Variants in FMNL2 observed in about 807,000 individuals in gnomAD.
FMNL2 encodes formin-like protein 2.
A neutral mutation model predicts 130.2 loss-of-function variants in FMNL2; 51 were observed. The ratio of observed to expected loss-of-function variants is 0.39; its 90% CI spans 0.31 to 0.49. FMNL2 has a LOEUF of 0.49. FMNL2 is among the 20% of genes least tolerant of loss of function. The pLI is 0.85. For synonymous variants in FMNL2, 465 were observed against 467.1 expected, an observed-to-expected ratio of 1.00 and a Z score of 0.06; for missense variants, 977 against 1,316.2, an observed-to-expected ratio of 0.74 and a Z score of 3.99.
At chr2:152,487,933 G>A (rs1325528289) in intron 1 of FMNL2, among the ~76,000 whole-genome samples, 3 of 151,880 alleles carry the variant, frequency 2.0e-5, no homozygotes, top group Non-Finnish European at 2.9e-5. Flanking sequence ...GATTACAGGC[G>A]CACACCACCA....
At position 152,550,219 on chromosome 2, in the gene FMNL2, G is replaced by T. The variant is rs191580032; in HGVS notation, c.359+1122G>T. On this transcript the variant is annotated intron_variant, in intron 4 of 25. Coordinates refer to ENST00000288670, the MANE Select transcript of FMNL2 (RefSeq NM_052905.4). ...CAGACTGCTGTAAGCCATTCAAATG[G>T]TTAATTAGCATAGTTATTTCAAAAT... Among the ~76,000 whole-genome samples, 114 of 152,286 alleles carry T rather than the reference G, an allele frequency of 7.5e-4. 2 individuals are homozygous for T. The East Asian group carries it at 0.021, about 28-fold the overall frequency.
chr2:152,463,969 A>G (rs113512786), intron 1 of FMNL2, among the ~76,000 whole-genome samples: 3,789 of 152,200 alleles, frequency 0.025, 169 homozygotes, highest in African/African-American at 0.087. Flanking sequence ...GTCTCGCTCT[A>G]TCACCCAAGC....
chr2:152,392,227 G>A (rs1685154425), intron 1 of FMNL2, among the ~76,000 whole-genome samples: 1 of 152,012 alleles, frequency 6.6e-6, no homozygotes, highest in Admixed American at 6.6e-5. Context: ...CTTTGTCAGA[G>A]TTCTGTTTGA....
intron 1 of FMNL2, among the ~76,000 whole-genome samples, chr2:152,445,463 C>T (rs1283270920): frequency 6.6e-6 from 1 of 152,188 alleles, no homozygotes. Context: ...CCACTAGCTG[C>T]TGAGTTAGTG....
At chr2:152,626,193 T>A (rs1278278087) in intron 16 of FMNL2, among the ~76,000 whole-genome samples, 4 of 152,098 alleles carry the variant, frequency 2.6e-5, no homozygotes, top group African/African-American at 9.7e-5. Flanking sequence ...CACACTACCA[T>A]GTCTGGCTAT....
intron 10 of FMNL2, among the ~76,000 whole-genome samples, chr2:152,609,513 T>C (rs1052243999): frequency 6.6e-6 from 1 of 152,224 alleles, no homozygotes; most frequent in Non-Finnish European, 1.5e-5. Context: ...TATTTTTTTG[T>C]GGACAAAAGA....
chr2:152,414,559 A>G (rs1239225925), intron 1 of FMNL2, among the ~76,000 whole-genome samples: 1 of 152,172 alleles, frequency 6.6e-6, no homozygotes, highest in Non-Finnish European at 1.5e-5. Context: ...CATAGCAAGG[A>G]CTATCCTGTC....
At chr2:152,578,865 T>C (rs1197452067) in intron 7 of FMNL2, 23 bp from the exon 8 acceptor site, 1 of 1,597,280 alleles carries the variant, frequency 6.3e-7, no homozygotes, top group Non-Finnish European at 8.5e-7. Context: ...TTGTGTTTCT[T>C]TTTTTTTCCA....
chr2:152,509,396 A>G (rs541266966), intron 1 of FMNL2, among the ~76,000 whole-genome samples: 1 of 145,828 alleles, frequency 6.9e-6, no homozygotes, highest in South Asian at 2.2e-4. Flanking sequence ...TTATTATGGG[A>G]TTTTTTTTTT....
intron 1 of FMNL2, among the ~76,000 whole-genome samples, chr2:152,414,557 G>A (rs989657870): frequency 1.3e-5 from 2 of 152,156 alleles, no homozygotes; most frequent in Admixed American, 1.3e-4. Flanking sequence ...TTCATAGCAA[G>A]GACTATCCTG....
chr2:152,515,174 TA>T (rs1410445501), intron 1 of FMNL2, among the ~76,000 whole-genome samples: 1 of 152,194 alleles, frequency 6.6e-6, no homozygotes, highest in East Asian at 1.9e-4. Context: ...GCTCAATGCA[TA>T]GTATTTTCTA....
intron 1 of FMNL2, among the ~76,000 whole-genome samples, chr2:152,368,240 G>A (rs1683672955): frequency 6.6e-6 from 1 of 152,114 alleles, no homozygotes; most frequent in African/African-American, 2.4e-5. Flanking sequence ...CTTAATAACT[G>A]AAGTTTGTGT....
intron 9 of FMNL2, among the ~76,000 whole-genome samples, chr2:152,591,163 C>G (rs758668012): frequency 6.6e-6 from 1 of 151,634 alleles, no homozygotes; most frequent in Non-Finnish European, 1.5e-5. Context: ...CGAGTGCCAC[C>G]ACGCCTGGCT....
At chr2:152,339,275 T>C (rs1014063360) in intron 1 of FMNL2, among the ~76,000 whole-genome samples, 2 of 152,196 alleles carry the variant, frequency 1.3e-5, no homozygotes, top group Admixed American at 6.5e-5. Context: ...CTTCCAAGTG[T>C]GGCCCAGGGA....
intron 1 of FMNL2, among the ~76,000 whole-genome samples, chr2:152,423,567 T>A (rs914655862): frequency 2.0e-5 from 3 of 152,178 alleles, no homozygotes; most frequent in East Asian, 1.9e-4. Context: ...GGGTCTCAGA[T>A]GCCTTAGTAC....
At chr2:152,560,680 C>T (rs1045085256) in intron 5 of FMNL2, among the ~76,000 whole-genome samples, 3 of 152,132 alleles carry the variant, frequency 2.0e-5, no homozygotes, top group Non-Finnish European at 2.9e-5. Flanking sequence ...TTTTGCCAGA[C>T]CCATTATTTG....
In FMNL2 at chr2:152,601,667, C is replaced by CTT. The variant is rs36031692; in HGVS notation, c.877-5670_877-5669dup. On this transcript the variant is annotated intron_variant, in intron 9 of 25. Coordinates refer to ENST00000288670, the MANE Select transcript of FMNL2 (RefSeq NM_052905.4). Reference sequence around the variant, plus strand: ...CTAAGGCTCTCTTTTCTTTTCTTTTCTTTCTTTTTTTTTTTTTTTTGAGAC... The same window carrying CTT: ...CTAAGGCTCTCTTTTCTTTTCTTTTCTTTTTCTTTTTTTTTTTTTTTTGAGAC... Among the ~76,000 whole-genome samples the CTT allele has an allele frequency of 2.3e-3, 305 of 132,182 alleles. 13 individuals carry two copies. Among genetic ancestry groups the CTT allele is most frequent in the African/African-American group, 8.6e-3 (276 of 32,254 alleles). The allele number at this position is 132,182 out of a possible 152,430, so 86.7% of individuals were successfully genotyped here. A position where few individuals can be genotyped will look rare whatever the true frequency, so the allele number is the denominator to read the frequency against.
chr2:152,621,130 C>T (rs1233397736), intron 15 of FMNL2: 13 of 985,336 alleles, frequency 1.3e-5, no homozygotes, highest in Non-Finnish European at 1.6e-5. Flanking sequence ...TCGTCCCGTG[C>T]ACCTGGCCAC....
Position 152,611,561 on chromosome 2 carries a change from C to T in FMNL2, c.1018C>T (p.Leu340=), listed in dbSNP as rs1484577621. 1 of 1,604,432 alleles carries T rather than the reference C, an allele frequency of 6.2e-7. No homozygotes were observed. The highest frequency in any genetic ancestry group is 8.5e-7 in the Non-Finnish European group (1 of 1,174,550). Residue 340 remains leucine (L), a synonymous_variant, in exon 11 of 26, where the codon CTG becomes TTG. Coordinates refer to ENST00000288670, the MANE Select transcript of FMNL2 (RefSeq NM_052905.4). The stretch of plus-strand genomic sequence containing the variant: ...AGAAGATATGAATTTCAGAGTTCAC[C>T]TGCAGTATGAATTTACCAAATTAGG... ...SVEDMNFRVH[L]QYEFTKLGLD...
Sources: allele counts gnomAD v4.1 joint callset (sites outside exome capture counted in the v4.1 genomes callset), GRCh38; gene constraint gnomAD v4.1.1; transcripts MANE v1.5; gene names NCBI Gene and HGNC (gene_info 2026-07-23, HGNC 2026-07-21).